The following PITPNC1 variants were observed in gnomAD, a reference collection of about 807,000 sequenced individuals.
The protein encoded by PITPNC1 is phosphatidylinositol transfer protein cytoplasmic 1, also known as cytoplasmic phosphatidylinositol transfer protein 1.
Under a neutral mutation model 44.7 loss-of-function variants are expected in PITPNC1, and 18 were observed. That is an observed-to-expected ratio of 0.40 (90% CI 0.28 to 0.60). PITPNC1 has a LOEUF of 0.60. Among genes scored for constraint, PITPNC1 ranks in the 20% least tolerant of loss-of-function variants. The pLI is 0.39. For synonymous variants in PITPNC1, 141 were observed against 149.6 expected (o/e 0.94, Z 0.42); for missense variants, 290 against 418.4 (o/e 0.69, Z 2.68).
chr17:67,510,541 C>A (rs1011726481), intron 1 of PITPNC1, among the ~76,000 whole-genome samples: 1 of 152,154 alleles, frequency 6.6e-6, no homozygotes, highest in African/African-American at 2.4e-5. Flanking sequence ...AAGAGGGCGC[C>A]CTTGACCGCC....
chr17:67,454,614 T>A lies in PITPNC1; in HGVS notation c.48+76412T>A, dbSNP rs1353191389. Among the ~76,000 whole-genome samples, 3 of 152,278 alleles carry A rather than the reference T, an allele frequency of 2.0e-5. No individual in the cohort carries two copies. The East Asian group carries it at 5.8e-4, about 29-fold the overall frequency. On this transcript the variant is annotated intron_variant, in intron 1 of 8. Coordinates refer to ENST00000581322, the MANE Select transcript of PITPNC1 (RefSeq NM_012417.4). ...AGTATGAACTTGAATTATTGCCGTTTACTTTAGAAACGATGATTGCTTTTT... is the reference window on the plus strand; with the variant it reads ...AGTATGAACTTGAATTATTGCCGTTAACTTTAGAAACGATGATTGCTTTTT...
At chr17:67,574,815 G>A (rs530133568) in intron 4 of PITPNC1, among the ~76,000 whole-genome samples, 4 of 152,192 alleles carry the variant, frequency 2.6e-5, no homozygotes, top group Non-Finnish European at 4.4e-5. Flanking sequence ...ACCACCTGCC[G>A]AAGGAGAAAG....
intron 1 of PITPNC1, among the ~76,000 whole-genome samples, chr17:67,495,096 G>A (rs12947633): frequency 0.73 from 90,942 of 124,878 alleles, 32,932 homozygotes; most frequent in African/African-American, 0.77. Flanking sequence ...TGGCTCTGTC[G>A]CCCAGGCTGG....
At chr17:67,529,088 C>T (rs1258724374) in intron 1 of PITPNC1, among the ~76,000 whole-genome samples, 1 of 152,134 alleles carries the variant, frequency 6.6e-6, no homozygotes, top group South Asian at 2.1e-4. Context: ...GACGCCGTCT[C>T]AGTGAGCTAA....
intron 6 of PITPNC1, among the ~76,000 whole-genome samples, chr17:67,662,978 T>C (rs1434678330): frequency 6.6e-6 from 1 of 152,204 alleles, no homozygotes; most frequent in African/African-American, 2.4e-5. Context: ...CTTTTGTGAA[T>C]AGCACAGTGA....
In PITPNC1 at chr17:67,601,206, A is replaced by AT. The variant is rs995931024; in HGVS notation, c.366+22958dup. Among the ~76,000 whole-genome samples, 21 of 151,792 alleles carry AT rather than the reference A, an allele frequency of 1.4e-4. 1 individual carries two copies. In the South Asian group the frequency reaches 2.5e-3, roughly 18 times the overall value. Reference sequence around the variant, plus strand: ...GTCATGAAACTGCAGATTATCAAAGATTTTTTTTTAAGAGCTCCTCTAGAG... The same window carrying AT: ...GTCATGAAACTGCAGATTATCAAAGATTTTTTTTTTAAGAGCTCCTCTAGAG... On this transcript the variant is annotated intron_variant, in intron 5 of 8. Coordinates refer to ENST00000581322, the MANE Select transcript of PITPNC1 (RefSeq NM_012417.4).
chr17:67,594,510 A>G (rs1021398586), intron 5 of PITPNC1, among the ~76,000 whole-genome samples: 5 of 152,024 alleles, frequency 3.3e-5, no homozygotes, highest in Admixed American at 6.6e-5. Flanking sequence ...ACTTTTTCAA[A>G]GTGGAGAAAG....
At chr17:67,455,464 G>A (rs1048607825) in intron 1 of PITPNC1, among the ~76,000 whole-genome samples, 3 of 151,870 alleles carry the variant, frequency 2.0e-5, no homozygotes, top group Non-Finnish European at 2.9e-5. Flanking sequence ...ACAGACTCTC[G>A]CTCTGGAGTG....
At chr17:67,513,387 CTATATCTAT>C (rs2040214801) in intron 1 of PITPNC1, among the ~76,000 whole-genome samples, 1 of 146,856 alleles carries the variant, frequency 6.8e-6, no homozygotes, top group African/African-American at 2.5e-5. Context: ...ATATCTATAT[CTATATCTAT>C]ATCTATATCT....
At chr17:67,491,667 C>T (rs1009875551) in intron 1 of PITPNC1, among the ~76,000 whole-genome samples, 7 of 152,010 alleles carry the variant, frequency 4.6e-5, no homozygotes, top group Non-Finnish European at 7.4e-5. Context: ...AGTAAGACTC[C>T]GTTTCTGCAA....
At chr17:67,688,092 A>T (rs1027036821) in intron 8 of PITPNC1, among the ~76,000 whole-genome samples, 2 of 150,804 alleles carry the variant, frequency 1.3e-5, no homozygotes, top group Non-Finnish European at 3.0e-5. Context: ...TAAGCCCAGC[A>T]CTTTGGGAGG....
chr17:67,403,955 G>A (rs894428973), intron 1 of PITPNC1, among the ~76,000 whole-genome samples: 1 of 152,176 alleles, frequency 6.6e-6, no homozygotes, highest in South Asian at 2.1e-4. Context: ...CTGGGAGGTG[G>A]AGGTTGCAGT....
At chr17:67,380,663 T>C (rs1446330665) in intron 1 of PITPNC1, among the ~76,000 whole-genome samples, 2 of 152,194 alleles carry the variant, frequency 1.3e-5, no homozygotes, top group Non-Finnish European at 2.9e-5. Flanking sequence ...TGATAGTAAA[T>C]TCCACAGTCT....
chr17:67,630,660 C>T (rs2041954251), intron 5 of PITPNC1, among the ~76,000 whole-genome samples: 1 of 151,816 alleles, frequency 6.6e-6, no homozygotes, highest in Non-Finnish European at 1.5e-5. Context: ...CCCTTTAGAC[C>T]AGAAAAATGA....
intron 1 of PITPNC1, among the ~76,000 whole-genome samples, chr17:67,389,476 C>T (rs187776529): frequency 1.4e-3 from 219 of 152,274 alleles, no homozygotes; most frequent in African/African-American, 5.1e-3. Context: ...TGCTCTGTGC[C>T]GGGTGCTAGG....
intron 1 of PITPNC1, among the ~76,000 whole-genome samples, chr17:67,392,814 G>GT (rs1236201293): frequency 5.3e-5 from 8 of 151,818 alleles, no homozygotes; most frequent in Admixed American, 3.3e-4. Context: ...AATGTTTATT[G>GT]TTTTTTAAAA....
chr17:67,657,182 TTTG>T (rs1469685342), intron 6 of PITPNC1, among the ~76,000 whole-genome samples: 7 of 151,502 alleles, frequency 4.6e-5, no homozygotes, highest in Non-Finnish European at 8.8e-5. Context: ...TTTGTTTTGT[TTTG>T]TTTTGTTTTT....
At chr17:67,671,141 C>G (rs1021381196) in intron 7 of PITPNC1, among the ~76,000 whole-genome samples, 1 of 152,158 alleles carries the variant, frequency 6.6e-6, no homozygotes, top group South Asian at 2.1e-4. Flanking sequence ...CTGCCTCGGC[C>G]TCCCAAAGTG....
At chr17:67,579,784 C>CA (rs2041203978) in intron 5 of PITPNC1, among the ~76,000 whole-genome samples, 1 of 151,716 alleles carries the variant, frequency 6.6e-6, no homozygotes, top group Admixed American at 6.6e-5. Flanking sequence ...ACTAAAAATA[C>CA]AAAAAATTAG....
Sources: allele counts gnomAD v4.1 joint callset (sites outside exome capture counted in the v4.1 genomes callset), GRCh38; gene constraint gnomAD v4.1.1; transcripts MANE v1.5; gene names NCBI Gene and HGNC (gene_info 2026-07-23, HGNC 2026-07-21).